Variants in ASCC3 observed in about 807,000 individuals in gnomAD.
ASCC3 encodes the protein activating signal cointegrator 1 complex subunit 3.
A neutral mutation model predicts 256.3 loss-of-function variants in ASCC3; 158 were observed. That is an observed-to-expected ratio of 0.62 (90% CI 0.54 to 0.70). The LOEUF (loss-of-function observed/expected upper bound fraction) is 0.70. ASCC3 is among the 30% of genes least tolerant of loss of function. ASCC3 has a pLI of 0.00. For missense variants in ASCC3, 2,259 were observed against 2,626.0 expected (o/e 0.86, Z 3.05); for synonymous variants, 948 against 883.4 (o/e 1.07, Z -1.30).
chr6:100,833,686 G>A (rs1417912366), intron 4 of ASCC3, among the ~76,000 whole-genome samples: 1 of 152,030 alleles, frequency 6.6e-6, no homozygotes, highest in African/African-American at 2.4e-5. Flanking sequence ...AGCTATTATC[G>A]ATGAAAATGA....
intron 17 of ASCC3, 54 bp downstream of exon 17, chr6:100,655,645 T>C (rs1004321120): frequency 2.5e-6 from 4 of 1,580,680 alleles, no homozygotes; most frequent in African/African-American, 2.7e-5. Context: ...CCTCATATCA[T>C]GAAAGAACCA....
chr6:100,748,708 G>C (rs1780798468), intron 10 of ASCC3, among the ~76,000 whole-genome samples: 1 of 151,926 alleles, frequency 6.6e-6, no homozygotes, highest in Non-Finnish European at 1.5e-5. Flanking sequence ...AAATAATAAT[G>C]AGAACTGAAG....
intron 34 of ASCC3, among the ~76,000 whole-genome samples, chr6:100,597,275 A>G (rs77910993): frequency 0.032 from 4,830 of 152,284 alleles, 96 homozygotes; most frequent in African/African-American, 0.06. Context: ...ATGAGTGCCA[A>G]GATAGCAAAA....
chr6:100,579,332 A>G (rs75457273), intron 36 of ASCC3, among the ~76,000 whole-genome samples: 2,347 of 152,120 alleles, frequency 0.015, 25 homozygotes, highest in East Asian at 0.045. Flanking sequence ...ATTATGCAGA[A>G]GTTCTTCAGT....
chr6:100,646,843 AT>A (rs1775407151), intron 21 of ASCC3, 74 bp from the exon 22 acceptor site: 1 of 1,437,550 alleles, frequency 7.0e-7, no homozygotes, highest in Middle Eastern at 2.1e-4. Flanking sequence ...TGTAAATGGG[AT>A]TTCAGAGAAG....
chr6:100,619,194 C>A (rs1773822346), intron 30 of ASCC3, among the ~76,000 whole-genome samples: 1 of 152,094 alleles, frequency 6.6e-6, no homozygotes, highest in Non-Finnish European at 1.5e-5. Flanking sequence ...GACAAAAAAC[C>A]ACTTGAAAAC....
Position 100,589,745 on chromosome 6 carries a change from T to C in ASCC3, c.5439A>G (p.Leu1813=). The C allele has an allele frequency of 6.2e-7, 1 of 1,613,760 alleles. No homozygotes were observed. Among genetic ancestry groups the C allele is most frequent in the Non-Finnish European group, 8.5e-7 (1 of 1,179,810 alleles). The change falls in exon 36 of 42, where the codon CTA becomes CTG. Residue 1813 remains leucine, a synonymous_variant. Transcript: ENST00000369162. ...AATAGGAGGCAATTCGGCCATAAGTTAGAGGTTCAATGCTGCGATTATCCT... is the reference window on the plus strand; with the variant it reads ...AATAGGAGGCAATTCGGCCATAAGTCAGAGGTTCAATGCTGCGATTATCCT... The part of the protein sequence containing the change: ...IGEDNRSIEP[L]TYGRIASYYY...
intron 3 of ASCC3, among the ~76,000 whole-genome samples, chr6:100,855,925 C>G (rs1214606335): frequency 6.6e-6 from 1 of 152,094 alleles, no homozygotes; most frequent in Non-Finnish European, 1.5e-5. Flanking sequence ...TAGTAACTGA[C>G]AGAACTGAAT....
At chr6:100,748,244 T>A (rs1233654282) in intron 10 of ASCC3, among the ~76,000 whole-genome samples, 1 of 151,966 alleles carries the variant, frequency 6.6e-6, no homozygotes, top group Non-Finnish European at 1.5e-5. Context: ...AGGCCTAGTT[T>A]GAACAGTCAA....
chr6:100,544,924 T>C (rs1181638588), intron 36 of ASCC3, among the ~76,000 whole-genome samples: 1 of 152,126 alleles, frequency 6.6e-6, no homozygotes, highest in African/African-American at 2.4e-5. Flanking sequence ...TTTTAGCAAA[T>C]TTAACAATAT....
At chr6:100,668,972 A>C (rs1300644461) in intron 14 of ASCC3, among the ~76,000 whole-genome samples, 1 of 151,670 alleles carries the variant, frequency 6.6e-6, no homozygotes, top group Non-Finnish European at 1.5e-5. Flanking sequence ...TGTTCTAGAC[A>C]ATACTAGACA....
At chr6:100,558,084 A>AC (rs1769712783) in intron 36 of ASCC3, among the ~76,000 whole-genome samples, 1 of 151,482 alleles carries the variant, frequency 6.6e-6, no homozygotes, top group Admixed American at 6.6e-5. Flanking sequence ...AAAAAAAAAA[A>AC]CAAGGACAGG....
intron 30 of ASCC3, among the ~76,000 whole-genome samples, chr6:100,609,740 G>A (rs532466108): frequency 3.2e-4 from 49 of 152,046 alleles, no homozygotes; most frequent in African/African-American, 1.0e-3. Flanking sequence ...GAGAAACCTC[G>A]TCTCTACTAA....
At position 100,725,660 on chromosome 6, in the gene ASCC3, T is replaced by C; in HGVS notation, c.1781A>G (p.Lys594Arg). ...GGAAAGAGCTACATCCCCAACACTC[T>C]TTCTTGTCACTACATCCCATTTTTC... ...TPEKWDVVTR[K>R]SVGDVALSQI... The change falls in exon 11 of 42, where the codon AAG becomes AGG. Residue 594 changes from lysine to arginine, a missense_variant. Around this residue, in one of 2 missense-constraint regions of ASCC3, gnomAD observed 1,839 missense variants for 2,206.7 expected, o/e 0.83. Coordinates refer to ENST00000369162, the MANE Select transcript of ASCC3 (RefSeq NM_006828.4). 6.2e-7 allele frequency: 1 copy of C among 1,612,742 alleles called. No homozygotes were observed. The highest frequency in any genetic ancestry group is 8.5e-7 in the Non-Finnish European group (1 of 1,179,128).
At position 100,571,237 on chromosome 6, in the gene ASCC3, C is replaced by A. The variant is rs927758954; in HGVS notation, c.5550+18397G>T. Among the ~76,000 whole-genome samples the A allele has an allele frequency of 2.6e-5, 4 of 152,274 alleles. No individual in the cohort carries two copies. In the East Asian group the frequency reaches 7.7e-4, roughly 29 times the overall value. ...TCCTTTGCATTTGCTTTTCCCTCTG[C>A]CCAGGATTTCTTCCCCAAGGCTTTC... On this transcript the variant is annotated intron_variant, in intron 36 of 41. Coordinates refer to ENST00000369162, the MANE Select transcript of ASCC3 (RefSeq NM_006828.4).
chr6:100,713,630 C>A (rs1224286724), intron 13 of ASCC3, among the ~76,000 whole-genome samples: 1 of 152,108 alleles, frequency 6.6e-6, no homozygotes, highest in Non-Finnish European at 1.5e-5. Flanking sequence ...GTACTGGGGA[C>A]ACTGTGCTTG....
intron 4 of ASCC3, among the ~76,000 whole-genome samples, chr6:100,831,338 A>G (rs1771609893): frequency 6.6e-6 from 1 of 151,158 alleles, no homozygotes; most frequent in African/African-American, 2.4e-5. Flanking sequence ...AAAAAAAAGG[A>G]AAAAAAACAA....
At chr6:100,796,876 A>T (rs1313760495) in intron 8 of ASCC3, among the ~76,000 whole-genome samples, 1 of 152,148 alleles carries the variant, frequency 6.6e-6, no homozygotes, top group Non-Finnish European at 1.5e-5. Context: ...AACAAAAACA[A>T]AACTGTGGTC....
At chr6:100,775,057 T>C (rs1017897220) in intron 8 of ASCC3, among the ~76,000 whole-genome samples, 1 of 152,102 alleles carries the variant, frequency 6.6e-6, no homozygotes, top group Non-Finnish European at 1.5e-5. Flanking sequence ...CTGAAGGAGC[T>C]GACCTTTTCT....
Sources: gnomAD v4.1 joint callset for allele counts (sites outside exome capture counted in the v4.1 genomes callset) on GRCh38, gnomAD v4.1.1 for gene constraint, gnomAD v4.1.1 regional missense constraint, MANE v1.5 for transcripts, NCBI Gene and HGNC (gene_info 2026-07-23, HGNC 2026-07-21) for gene names.